Variants in SIPA1L2 observed in about 807,000 individuals in gnomAD.
The protein encoded by SIPA1L2 is signal-induced proliferation-associated 1-like protein 2.
A neutral mutation model predicts 163.9 loss-of-function variants in SIPA1L2; 56 were observed. That is an observed-to-expected ratio of 0.34 (90% CI 0.28 to 0.43). The LOEUF (loss-of-function observed/expected upper bound fraction) is 0.43. Among genes scored for constraint, SIPA1L2 ranks in the 20% least tolerant of loss-of-function variants. The pLI, the probability that SIPA1L2 is intolerant of heterozygous loss-of-function variation, is 1.00. For synonymous variants in SIPA1L2, 877 were observed against 865.7 expected (o/e 1.01, Z -0.23); for missense variants, 1,974 against 2,193.5 (o/e 0.90, Z 2.00).
chr1:232,456,241 A>G (rs1268960173), intron 10 of SIPA1L2, among the ~76,000 whole-genome samples: 1 of 152,060 alleles, frequency 6.6e-6, no homozygotes, highest in Non-Finnish European at 1.5e-5. Flanking sequence ...GTGTAGATAT[A>G]CATCTAAAAA....
intron 15 of SIPA1L2, among the ~76,000 whole-genome samples, chr1:232,437,415 C>T (rs1215837188): frequency 6.6e-6 from 1 of 152,154 alleles, no homozygotes; most frequent in Non-Finnish European, 1.5e-5. Flanking sequence ...GTTATTAGTA[C>T]TAAACCTATT....
chr1:232,524,939 CA>C (rs1325677841), intron 2 of SIPA1L2, among the ~76,000 whole-genome samples: 10 of 152,056 alleles, frequency 6.6e-5, no homozygotes, highest in African/African-American at 2.4e-4. Context: ...TACATATATA[CA>C]AATAAACTTT....
At chr1:232,564,768 T>C (rs1445876414) in intron 2 of SIPA1L2, among the ~76,000 whole-genome samples, 1 of 152,142 alleles carries the variant, frequency 6.6e-6, no homozygotes, top group African/African-American at 2.4e-5. Flanking sequence ...TATTAATAAA[T>C]TAATACATAT....
At chr1:232,418,640 G>T (rs1301885865) in intron 18 of SIPA1L2, among the ~76,000 whole-genome samples, 1 of 152,144 alleles carries the variant, frequency 6.6e-6, no homozygotes, top group African/African-American at 2.4e-5. Flanking sequence ...ATGGTTTCGG[G>T]GTGTATATTT....
chr1:232,489,755 T>C (rs772978747), intron 5 of SIPA1L2, among the ~76,000 whole-genome samples: 1 of 152,226 alleles, frequency 6.6e-6, no homozygotes, highest in Non-Finnish European at 1.5e-5. Flanking sequence ...ATTCTAAAAA[T>C]ATACATTGTC....
chr1:232,415,790 C>G (rs1661216484), intron 18 of SIPA1L2, 165 bp from the exon 19 acceptor site: 5 of 722,276 alleles, frequency 6.9e-6, no homozygotes, highest in Non-Finnish European at 1.1e-5. Context: ...ACCACTGTCC[C>G]TCCCAGAGTC....
rs931229232 is a variant in SIPA1L2 at position 232,580,972 on chromosome 1, T to C, written c.-318-6750A>G. Among the ~76,000 whole-genome samples, 3 of 152,164 alleles carry C rather than the reference T, an allele frequency of 2.0e-5. No homozygotes were observed. The South Asian group carries it at 6.2e-4, about 32-fold the overall frequency. On this transcript the variant is annotated intron_variant, in intron 1 of 22. Coordinates refer to ENST00000674635, the MANE Select transcript of SIPA1L2 (RefSeq NM_020808.5). ...TCTCCTTTGTGCCCTCACAGCCAAC[T>C]GCCACATGAATGGCCCATAGCACCT...
chr1:232,439,683 T>C (rs1453675337), intron 14 of SIPA1L2, among the ~76,000 whole-genome samples, 187 bp from the exon 15 acceptor site: 1 of 152,240 alleles, frequency 6.6e-6, no homozygotes, highest in African/African-American at 2.4e-5. Flanking sequence ...CTCTAATTCA[T>C]ACTTCTTCCC....
At chr1:232,482,644 T>C (rs974856403) in intron 6 of SIPA1L2, among the ~76,000 whole-genome samples, 1 of 152,172 alleles carries the variant, frequency 6.6e-6, no homozygotes, top group African/African-American at 2.4e-5. Flanking sequence ...GCTTGTGAAC[T>C]ATCCTGTAAC....
chr1:232,611,451 C>T (rs919363679), intron 1 of SIPA1L2, among the ~76,000 whole-genome samples: 2 of 152,076 alleles, frequency 1.3e-5, no homozygotes, highest in African/African-American at 4.8e-5. Flanking sequence ...GCCTGAGACT[C>T]GTTGAATGGC....
chr1:232,417,005 A>G (rs1247595121), intron 18 of SIPA1L2, among the ~76,000 whole-genome samples: 2 of 152,216 alleles, frequency 1.3e-5, no homozygotes, highest in Admixed American at 1.3e-4. Context: ...ACCTGCCCAG[A>G]ACACTGCATG....
intron 5 of SIPA1L2, among the ~76,000 whole-genome samples, chr1:232,487,382 A>G (rs1247626548): frequency 6.6e-6 from 1 of 152,110 alleles, no homozygotes; most frequent in Admixed American, 6.5e-5. Context: ...ATGTAATCTC[A>G]TTTATTTAGA....
At chr1:232,462,493 A>C in intron 9 of SIPA1L2, 1 of 797,538 alleles carries the variant, frequency 1.3e-6, no homozygotes, top group Non-Finnish European at 1.8e-6. Flanking sequence ...AGTGCACACA[A>C]TGCCAATCAG....
Position 232,443,644 on chromosome 1 carries a change from G to T in SIPA1L2, c.3395C>A (p.Pro1132His). 1 of 1,609,398 alleles carries T rather than the reference G, an allele frequency of 6.2e-7. No individual in the cohort carries two copies. Among genetic ancestry groups the T allele is most frequent in the South Asian group, 1.1e-5 (1 of 89,994 alleles). The stretch of plus-strand genomic sequence containing the variant: ...TGGTCTCCAGGGTCCGCTCCCGCCG[G>T]GTCCAGGGTCGCTGGAGGATGACTG... ...SNQSSSSDPGPGGSGPWRPQV... is the reference protein window; with the variant it reads ...SNQSSSSDPGHGGSGPWRPQV... The change falls in exon 12 of 23, where the codon CCC becomes CAC. Residue 1132 changes from proline to histidine, a missense_variant. Physicochemically the swap from Pro to His is moderately conservative, Grantham distance 77. This residue lies in a region of SIPA1L2 where 1,079 missense variants were observed against 1,150.7 expected (regional missense o/e 0.94). Coordinates refer to ENST00000674635, the MANE Select transcript of SIPA1L2 (RefSeq NM_020808.5).
intron 2 of SIPA1L2, among the ~76,000 whole-genome samples, chr1:232,545,803 TA>T (rs1391925835): frequency 1.3e-5 from 2 of 152,254 alleles, no homozygotes; most frequent in Non-Finnish European, 2.9e-5. Context: ...TGTTCTATAA[TA>T]TTTTTCAATT....
rs755302071 is a variant in SIPA1L2, at chr1:232,465,060, G to A, written c.2600C>T (p.Ser867Phe). The change falls in exon 9 of 23, where the codon TCT becomes TTT. Residue 867 changes from serine (S) to phenylalanine (F), a missense_variant. By Grantham distance (155) the Ser-to-Phe change is radical (BLOSUM62 -2). This residue lies in a region of SIPA1L2 where 1,079 missense variants were observed against 1,150.7 expected (regional missense o/e 0.94). Coordinates refer to ENST00000674635, the MANE Select transcript of SIPA1L2 (RefSeq NM_020808.5). The surrounding 1 kb of genome is among the most constrained non-coding windows in gnomAD (Gnocchi z 4.1). ...CCCGAGAAGACATTCAATGTCAGCA[G>A]ACTGGCCGAAGTCCCGGGCTATCAC... is the stretch of plus-strand genomic sequence containing the variant. Reference protein sequence around the residue: ...WHVIARDFGQSADIECLLGIS... With the variant: ...WHVIARDFGQFADIECLLGIS... 1 of 1,614,156 alleles carries A rather than the reference G, an allele frequency of 6.2e-7. No homozygotes were observed. The highest frequency in any genetic ancestry group is 1.7e-5 in the Admixed American group (1 of 60,022).
chr1:232,471,320 C>A (rs1373966436), intron 8 of SIPA1L2, 51 bp downstream of exon 8: 1 of 1,547,376 alleles, frequency 6.5e-7, no homozygotes. Context: ...GGAAAAGACG[C>A]CCTGTTGAAA....
At chr1:232,517,282 T>C (rs950079917) in intron 2 of SIPA1L2, among the ~76,000 whole-genome samples, 2 of 152,290 alleles carry the variant, frequency 1.3e-5, no homozygotes, top group South Asian at 4.2e-4. Context: ...TTCTTTTCCG[T>C]GTCATGGCAT....
rs34949132 is a variant in SIPA1L2, at chr1:232,428,350, C to CTT, written c.4410+59_4410+60dup. The CTT allele has an allele frequency of 3.4e-3, 2,873 of 836,346 alleles. 2 individuals are homozygous for CTT. Among genetic ancestry groups the CTT allele is most frequent in the Non-Finnish European group, 3.8e-3 (2,370 of 617,220 alleles). 51.8% of individuals were successfully genotyped at this position (836,346 alleles called of 1,614,324 possible). ...CTGGAAACCTCTGAGTTTCTTTAGA[C>CTT]TTTTTTTTTTTTTTTTTTTTTAGTG... On this transcript the variant is annotated intron_variant, in intron 17 of 22. Coordinates refer to ENST00000674635, the MANE Select transcript of SIPA1L2 (RefSeq NM_020808.5).
Sources: allele counts gnomAD v4.1 joint callset (sites outside exome capture counted in the v4.1 genomes callset), GRCh38; gene constraint gnomAD v4.1.1; regional missense constraint gnomAD v4.1.1; non-coding constraint Gnocchi (gnomAD v3.1); transcripts MANE v1.5; gene names NCBI Gene and HGNC (gene_info 2026-07-23, HGNC 2026-07-21).